The following CACNA1I variants were observed in gnomAD, a reference collection of about 807,000 sequenced individuals.
The protein encoded by CACNA1I is calcium voltage-gated channel subunit alpha1 I.
A neutral mutation model predicts 201.6 loss-of-function variants in CACNA1I; 74 were observed. The ratio of observed to expected loss-of-function variants is 0.37; its 90% CI spans 0.30 to 0.45. CACNA1I has a LOEUF of 0.45. Ranked by LOEUF, CACNA1I falls within the 20% of genes least tolerant of loss-of-function variation. The pLI is 1.00. For synonymous variants in CACNA1I, 1,431 were observed against 1,345.2 expected (o/e 1.06, Z -1.40); for missense variants, 2,346 against 3,138.1 (o/e 0.75, Z 6.03).
chr22:39,662,736 C>T, intron 17 of CACNA1I, 40 bp from the exon 18 acceptor site: 4 of 1,398,648 alleles, frequency 2.9e-6, no homozygotes, highest in South Asian at 1.2e-5. Flanking sequence ...GGCAACCCTG[C>T]GCATCGCTGA....
chr22:39,648,652 G>A lies in CACNA1I; in HGVS notation c.1567+726G>A, dbSNP rs1355722119. ...GAGGCAAGTGTGGAAATGAAGGGTA[G>A]GCGTGACATGCTTTTCTTTCCCTTT... On this transcript the variant is annotated intron_variant, in intron 9 of 36. Transcript: ENST00000402142. This position sits in a 1 kb window ranked among gnomAD's most constrained non-coding sequence, Gnocchi z 5.4. Among the ~76,000 whole-genome samples the A allele has an allele frequency of 1.3e-5, 2 of 152,114 alleles. No individual in the cohort carries two copies. Among genetic ancestry groups the A allele is most frequent in the South Asian group, 4.1e-4 (2 of 4,832 alleles).
chr22:39,670,185 C>T lies in CACNA1I; in HGVS notation c.4342C>T (p.Arg1448Trp), dbSNP rs772443847. The change falls in exon 25 of 37, where the codon CGG (arginine) becomes TGG (tryptophan). Residue 1448 changes from arginine to tryptophan, a missense_variant. By Grantham distance (101) the Arg-to-Trp change is moderately radical. This residue lies in a region of CACNA1I where 228 missense variants were observed against 395.7 expected (regional missense o/e 0.58). Coordinates refer to ENST00000402142, the MANE Select transcript of CACNA1I (RefSeq NM_021096.4). The part of the protein sequence containing the change: ...RQHQEAEEAR[R>W]REEKRLRRLE... ...GCACCAGGAGGCTGAAGAGGCACGG[C>T]GGCGTGAGGAGAAGCGGCTGCGGCG... 34 of 1,613,818 alleles carry T rather than the reference C, an allele frequency of 2.1e-5. No homozygotes were observed. Among genetic ancestry groups the T allele is most frequent in the Middle Eastern group, 1.7e-4 (1 of 6,034 alleles).
chr22:39,659,905 G>A lies in CACNA1I; in HGVS notation c.2604+53G>A. The A allele has an allele frequency of 6.2e-7, 1 of 1,606,900 alleles. No homozygotes were observed. The highest frequency in any genetic ancestry group is 8.5e-7 in the Non-Finnish European group (1 of 1,174,456). On this transcript the variant is annotated intron_variant, in intron 14 of 36. Coordinates refer to ENST00000402142, the MANE Select transcript of CACNA1I (RefSeq NM_021096.4). The surrounding 1 kb of genome is among the most constrained non-coding windows in gnomAD (Gnocchi z 4.3). ...CCCCCACAGGGTCTGCGAAAGACTGGGCGAGGGAGAGGTGGCCTGGATGGG... is the reference window on the plus strand; with the variant it reads ...CCCCCACAGGGTCTGCGAAAGACTGAGCGAGGGAGAGGTGGCCTGGATGGG...
At position 39,665,470 on chromosome 22, in the gene CACNA1I, T is replaced by C. The variant is rs1347957334; in HGVS notation, c.3852-28T>C. On this transcript the variant is annotated intron_variant, in intron 21 of 36. Transcript: ENST00000402142. This position sits in a 1 kb window ranked among gnomAD's most constrained non-coding sequence, Gnocchi z 5.5. ...GCCTCCTGGCCTGGCCAAGGGATTA[T>C]GTGTGCCTGGCCTCTCCCTGCCGTC... 3.7e-5 allele frequency: 60 copies of C among 1,612,420 alleles called. No homozygotes were observed. Among genetic ancestry groups the C allele is most frequent in the Non-Finnish European group, 5.1e-5 (60 of 1,179,410 alleles).
intron 4 of CACNA1I, among the ~76,000 whole-genome samples, chr22:39,624,002 G>A (rs955631747): frequency 6.7e-6 from 1 of 149,442 alleles, no homozygotes; most frequent in African/African-American, 2.5e-5. Context: ...CTCTGAACGT[G>A]CGTGTGTCCA....
chr22:39,597,513 C>T (rs1932918132), intron 1 of CACNA1I, among the ~76,000 whole-genome samples: 1 of 152,248 alleles, frequency 6.6e-6, no homozygotes, highest in Non-Finnish European at 1.5e-5. Context: ...TGGATTCCCT[C>T]CGCAGCAGGA....
At position 39,602,993 on chromosome 22, in the gene CACNA1I, A is replaced by G. The variant is rs1006891094; in HGVS notation, c.482+2340A>G. 7.9e-5 allele frequency among the ~76,000 whole-genome samples: 12 copies of G among 152,044 alleles called. No homozygotes were observed. The South Asian group carries it at 1.0e-3, about 13-fold the overall frequency. Reference sequence around the variant, plus strand: ...ATAGTGAGACCCCATCTCTACAAAAAATAAAAAATTAGCCAGGTGTTTGTG... The same window carrying G: ...ATAGTGAGACCCCATCTCTACAAAAGATAAAAAATTAGCCAGGTGTTTGTG... On this transcript the variant is annotated intron_variant, in intron 3 of 36. Coordinates refer to ENST00000402142, the MANE Select transcript of CACNA1I (RefSeq NM_021096.4).
intron 10 of CACNA1I, among the ~76,000 whole-genome samples, chr22:39,655,174 C>A (rs1005389793): frequency 2.0e-5 from 3 of 152,140 alleles, no homozygotes; most frequent in Non-Finnish European, 4.4e-5. Flanking sequence ...ATGCATGGGG[C>A]GTGCTCAGCA....
At position 39,664,966 on chromosome 22, in the gene CACNA1I, T is replaced by C. The variant is rs1424091685; in HGVS notation, c.3851+43T>C. 9.5e-6 allele frequency: 15 copies of C among 1,580,924 alleles called. No individual in the cohort carries two copies. In the Admixed American group the frequency reaches 2.5e-4, roughly 27 times the overall value. ...GCGGATGGGGGAAAGTGTCATGCAC[T>C]GTACCGAGAAGCCACGGGTCGAATT... On this transcript the variant is annotated intron_variant, in intron 21 of 36. Transcript: ENST00000402142.
At chr22:39,674,965 A>G (rs1038132721) in intron 29 of CACNA1I, among the ~76,000 whole-genome samples, 15 of 152,328 alleles carry the variant, frequency 9.8e-5, no homozygotes, top group Admixed American at 8.5e-4. Context: ...GGAAAGTGGC[A>G]TGGTCTGGAT....
At position 39,679,788 on chromosome 22, in the gene CACNA1I, A is replaced by G; in HGVS notation, c.5461A>G (p.Ile1821Val). 6.2e-7 allele frequency: 1 copy of G among 1,613,028 alleles called. No homozygotes were observed. Residue 1821 changes from isoleucine to valine, a missense_variant, in exon 33 of 37, where the codon ATC becomes GTC. This residue lies in a region of CACNA1I where 441 missense variants were observed against 555.6 expected (regional missense o/e 0.79). Coordinates refer to ENST00000402142, the MANE Select transcript of CACNA1I (RefSeq NM_021096.4). ...CTCCTTGGAGGGGGAGCTGACCATC[A>G]TCGACAACCTGTCGGGCTCCATCTT... ...KDSLEGELTI[I>V]DNLSGSIFHH...
At chr22:39,671,321 TTGTC>T (rs745564298) in intron 26 of CACNA1I, among the ~76,000 whole-genome samples, 52 of 152,296 alleles carry the variant, frequency 3.4e-4, no homozygotes, top group African/African-American at 1.2e-3. Flanking sequence ...GGGGAATCCT[TTGTC>T]TGGATTTTAT....
Position 39,666,384 on chromosome 22 carries a change from T to C in CACNA1I, c.4104+378T>C, listed in dbSNP as rs373578056. On this transcript the variant is annotated intron_variant, in intron 23 of 36. Transcript: ENST00000402142. This position sits in a 1 kb window ranked among gnomAD's most constrained non-coding sequence, Gnocchi z 4.1. ...CCCTGAGCCTCAGTTTCCTCATCTA[T>C]GAAATGGGAATGTTATAGCCTGCCA... is the stretch of plus-strand genomic sequence containing the variant. 5.9e-5 allele frequency among the ~76,000 whole-genome samples: 9 copies of C among 152,222 alleles called. 1 individual carries two copies. The highest frequency in any genetic ancestry group is 1.3e-4 in the Admixed American group (2 of 15,304).
At position 39,682,523 on chromosome 22, in the gene CACNA1I, C is replaced by T. The variant is rs185177048; in HGVS notation, c.5692C>T (p.Arg1898Cys). Residue 1898 changes from arginine (R) to cysteine (C), a missense_variant, in exon 35 of 37, where the codon CGT (arginine) becomes TGT (cysteine). Physicochemically the swap from Arg to Cys is radical, Grantham distance 180. This residue lies in a region of CACNA1I where 441 missense variants were observed against 555.6 expected (regional missense o/e 0.79). Transcript: ENST00000402142. ...KGELDPPEPM[R>C]VGDLGECFFP... The stretch of plus-strand genomic sequence containing the variant: ...TGAGCTGGACCCACCTGAGCCCATG[C>T]GTGTGGGAGACCTGGGCGAATGCTT... 42 of 1,613,712 alleles carry T rather than the reference C, an allele frequency of 2.6e-5. No homozygotes were observed. The highest frequency in any genetic ancestry group is 1.6e-4 in the East Asian group (7 of 44,880).
intron 2 of CACNA1I, 26 bp downstream of exon 2, chr22:39,598,288 C>CCT: frequency 1.6e-6 from 2 of 1,215,222 alleles, no homozygotes; most frequent in Non-Finnish European, 2.3e-6. Flanking sequence ...CGCCCCGCCC[C>CCT]GCCCTGCCCT....
chr22:39,678,996 G>T (rs1935597676), intron 31 of CACNA1I, 111 bp from the exon 32 acceptor site: 1 of 795,670 alleles, frequency 1.3e-6, no homozygotes, highest in Non-Finnish European at 2.0e-6. Flanking sequence ...GCCATCTCGG[G>T]GGTTGAATCT....
intron 1 of CACNA1I, among the ~76,000 whole-genome samples, chr22:39,582,961 C>T (rs114357686): frequency 1.7e-4 from 25 of 146,488 alleles, no homozygotes; most frequent in African/African-American, 4.0e-4. Flanking sequence ...TCCATCCATC[C>T]AACAATCCAT....
rs908069415 is a variant in CACNA1I, at chr22:39,685,655, C to T, written c.6028-106C>T. 1.7e-5 allele frequency: 17 copies of T among 1,005,656 alleles called. No homozygotes were observed. The South Asian group carries it at 3.5e-4, about 21-fold the overall frequency. The allele number at this position is 1,005,656 out of a possible 1,614,324, so 62.3% of individuals were successfully genotyped here. On this transcript the variant is annotated intron_variant, in intron 36 of 36. Transcript: ENST00000402142. This position sits in a 1 kb window ranked among gnomAD's most constrained non-coding sequence, Gnocchi z 5.0. Reference sequence around the variant, plus strand: ...AGAAGCCCTGCTCCGAAGGGAGCTCCTTGGATGGGGTCTGCCTGCTGCCTG... The same window carrying T: ...AGAAGCCCTGCTCCGAAGGGAGCTCTTTGGATGGGGTCTGCCTGCTGCCTG...
chr22:39,678,911 G>A (rs929266613), intron 31 of CACNA1I, among the ~76,000 whole-genome samples, 196 bp from the exon 32 acceptor site: 2 of 152,220 alleles, frequency 1.3e-5, no homozygotes, highest in African/African-American at 4.8e-5. Context: ...CCATCCGTCT[G>A]TCCATGCGGG....
Sources: gnomAD v4.1 joint callset for allele counts (sites outside exome capture counted in the v4.1 genomes callset) on GRCh38, gnomAD v4.1.1 for gene constraint, gnomAD v4.1.1 regional missense constraint, Gnocchi (gnomAD v3.1) non-coding constraint, MANE v1.5 for transcripts, NCBI Gene and HGNC (gene_info 2026-07-23, HGNC 2026-07-21) for gene names.